The following ANO4 variants were observed in gnomAD, a reference collection of about 807,000 sequenced individuals.
The protein encoded by ANO4 is anoctamin 4.
ANO4 carries 69 observed loss-of-function variants against 141.9 expected under a neutral mutation model. That is an observed-to-expected ratio of 0.49 (90% CI 0.40 to 0.59). The LOEUF is 0.59. ANO4 is among the 20% of genes least tolerant of loss of function. The pLI is 0.00. For missense variants in ANO4, 894 were observed against 1,162.2 expected, an observed-to-expected ratio of 0.77 and a Z score of 3.36; for synonymous variants, 350 against 394.3, an observed-to-expected ratio of 0.89 and a Z score of 1.33.
At chr12:100,991,095 C>T (rs759471376) in intron 8 of ANO4, among the ~76,000 whole-genome samples, 9 of 152,054 alleles carry the variant, frequency 5.9e-5, no homozygotes, top group Non-Finnish European at 5.9e-5. Flanking sequence ...GCAATTTTAT[C>T]GTGTAAATAA....
intron 1 of ANO4, among the ~76,000 whole-genome samples, chr12:100,810,496 C>A (rs2035346498): frequency 6.6e-6 from 1 of 152,118 alleles, no homozygotes; most frequent in Admixed American, 6.6e-5. Context: ...AAGAGGATCT[C>A]ACCTGCTGCT....
chr12:101,013,809 G>A (rs2046202779), intron 8 of ANO4, among the ~76,000 whole-genome samples: 1 of 152,132 alleles, frequency 6.6e-6, no homozygotes, highest in South Asian at 2.1e-4. Flanking sequence ...AAACAGTGCT[G>A]GAGTCTAGAT....
chr12:100,898,955 G>C (rs545687988), intron 1 of ANO4, among the ~76,000 whole-genome samples: 1 of 152,174 alleles, frequency 6.6e-6, no homozygotes, highest in African/African-American at 2.4e-5. Context: ...TTGTACCTCC[G>C]TGGAAACAGG....
intron 1 of ANO4, among the ~76,000 whole-genome samples, chr12:100,848,623 C>G (rs1159647226): frequency 1.3e-5 from 2 of 152,150 alleles, no homozygotes; most frequent in African/African-American, 4.8e-5. Flanking sequence ...TGAGCATGGT[C>G]CTTTGTGGTC....
chr12:100,993,209 A>G (rs1397207308), intron 8 of ANO4, among the ~76,000 whole-genome samples: 1 of 152,176 alleles, frequency 6.6e-6, no homozygotes, highest in East Asian at 1.9e-4. Context: ...CAAACAAGCA[A>G]ACAAACAGCC....
Position 100,810,250 on chromosome 12 carries a change from A to G in ANO4, c.-141+15223A>G, listed in dbSNP as rs570091856. 2.6e-4 allele frequency among the ~76,000 whole-genome samples: 39 copies of G among 151,976 alleles called. 1 individual carries two copies. The South Asian group carries it at 8.1e-3, about 32-fold the overall frequency. On this transcript the variant is annotated intron_variant, in intron 1 of 27. Coordinates refer to ENST00000392977, the MANE Select transcript of ANO4 (RefSeq NM_001286615.2). ...GTATGAGCCAGGGAAATGGTGTCCAAGCACAGGGAAATGGTATCCAAAAGA... is the reference window on the plus strand; with the variant it reads ...GTATGAGCCAGGGAAATGGTGTCCAGGCACAGGGAAATGGTATCCAAAAGA...
chr12:100,845,267 C>A (rs1313097424), intron 1 of ANO4, among the ~76,000 whole-genome samples: 2 of 152,026 alleles, frequency 1.3e-5, no homozygotes, highest in African/African-American at 2.4e-5. Context: ...ATGGGCGGAA[C>A]CTGGAGGGGA....
At chr12:100,865,887 A>G (rs1201349974) in intron 1 of ANO4, among the ~76,000 whole-genome samples, 1 of 152,206 alleles carries the variant, frequency 6.6e-6, no homozygotes, top group African/African-American at 2.4e-5. Flanking sequence ...GGAGATAGCC[A>G]TTGCCAGAGC....
chr12:101,126,258 A>T (rs2051309870), intron 26 of ANO4, among the ~76,000 whole-genome samples: 1 of 152,196 alleles, frequency 6.6e-6, no homozygotes, highest in South Asian at 2.1e-4. Context: ...TTAAATTGTC[A>T]TCTAGTACTT....
At chr12:100,752,954 CAG>C (rs2032449897) in intron 3 of ANO4, among the ~76,000 whole-genome samples, 1 of 152,170 alleles carries the variant, frequency 6.6e-6, no homozygotes, top group South Asian at 2.1e-4. Context: ...TGGGCTCACT[CAG>C]TATCTTGGAG....
chr12:100,993,586 G>A (rs2045237591), intron 8 of ANO4, among the ~76,000 whole-genome samples: 1 of 152,118 alleles, frequency 6.6e-6, no homozygotes, highest in African/African-American at 2.4e-5. Context: ...GTCACTCTGG[G>A]GGAAGGAGGC....
At chr12:100,874,805 C>T (rs2039213670) in intron 1 of ANO4, among the ~76,000 whole-genome samples, 1 of 152,168 alleles carries the variant, frequency 6.6e-6, no homozygotes, top group Non-Finnish European at 1.5e-5. Context: ...CATGCGTGAG[C>T]CACCACACCC....
At chr12:100,721,815 A>G (rs1008058622) in intron 1 of ANO4, among the ~76,000 whole-genome samples, 6 of 150,720 alleles carry the variant, frequency 4.0e-5, no homozygotes, top group African/African-American at 1.5e-4. Context: ...AGTAGCTGTG[A>G]CCACAGGTGT....
At chr12:100,987,861 T>C (rs1025448877) in intron 8 of ANO4, among the ~76,000 whole-genome samples, 191 bp downstream of exon 8, 1 of 152,190 alleles carries the variant, frequency 6.6e-6, no homozygotes, top group Non-Finnish European at 1.5e-5. Flanking sequence ...CAACAATCCC[T>C]GCATCTCAGT....
chr12:100,854,508 G>A (rs10745899), intron 1 of ANO4, among the ~76,000 whole-genome samples: 121,120 of 152,050 alleles, frequency 0.8, 48,390 homozygotes, highest in Admixed American at 0.86. Context: ...TGAGTATTCT[G>A]TGCCTCATGT....
At chr12:101,037,245 G>T (rs1374052714) in intron 10 of ANO4, 95 bp downstream of exon 10, 1 of 1,330,722 alleles carries the variant, frequency 7.5e-7, no homozygotes, top group Non-Finnish European at 1.1e-6. Context: ...GTTGACATTT[G>T]CTCAGAATGA....
chr12:100,869,982 G>A (rs1230088512), intron 1 of ANO4, among the ~76,000 whole-genome samples: 3 of 152,106 alleles, frequency 2.0e-5, no homozygotes, highest in Non-Finnish European at 4.4e-5. Context: ...CTGGCAAAGT[G>A]GTTCTACCTG....
In ANO4 at chr12:101,076,744, G is replaced by A. The variant is rs191527942; in HGVS notation, c.1313-2449G>A. Among the ~76,000 whole-genome samples the A allele has an allele frequency of 1.5e-3, 230 of 152,226 alleles. 1 individual carries two copies. The highest frequency in any genetic ancestry group is 5.0e-3 in the African/African-American group (208 of 41,534). ...ATGGAGGTACCTTTGTGATTTTTAT[G>A]GAAAATAGCCACATATTCAGGGGCT... On this transcript the variant is annotated intron_variant, in intron 14 of 27. Transcript: ENST00000392977.
intron 3 of ANO4, among the ~76,000 whole-genome samples, chr12:100,775,191 T>C (rs953876539): frequency 8.5e-5 from 13 of 152,210 alleles, no homozygotes; most frequent in African/African-American, 3.1e-4. Flanking sequence ...AGTGAAAAAC[T>C]GAGCACACTA....
Sources: allele counts gnomAD v4.1 joint callset (sites outside exome capture counted in the v4.1 genomes callset), GRCh38; gene constraint gnomAD v4.1.1; transcripts MANE v1.5; gene names NCBI Gene and HGNC (gene_info 2026-07-23, HGNC 2026-07-21).